Variants in MYOM3 observed in about 807,000 individuals in gnomAD.
MYOM3 encodes myomesin-3.
Under a neutral mutation model 191.7 loss-of-function variants are expected in MYOM3, and 155 were observed. The ratio of observed to expected loss-of-function variants is 0.81; its 90% CI spans 0.71 to 0.92. The LOEUF is 0.92. Among genes scored for constraint, MYOM3 ranks in the 40% least tolerant of loss-of-function variants. The probability of loss-of-function intolerance (pLI) is 0.00; values close to 1 mark genes in which losing one functional copy is unlikely to be tolerated. For missense variants in MYOM3, 1,889 were observed against 1,890.6 expected, an observed-to-expected ratio of 1.00 and a Z score of 0.02; for synonymous variants, 757 against 762.9, an observed-to-expected ratio of 0.99 and a Z score of 0.13.
At chr1:24,075,571 C>T (rs1643587498) in intron 21 of MYOM3, 96 bp from the exon 22 acceptor site, 2 of 1,307,170 alleles carry the variant, frequency 1.5e-6, no homozygotes, top group Non-Finnish European at 2.0e-6. Context: ...CTGCCTGTTG[C>T]ACTTAATAAT....
chr1:24,091,145 C>T (rs1643818609), intron 11 of MYOM3, 149 bp from the exon 12 acceptor site: 1 of 953,188 alleles, frequency 1.0e-6, no homozygotes, highest in African/African-American at 1.7e-5. Flanking sequence ...AAGAGCCTGG[C>T]TCCAACCTCG....
chr1:24,081,196 G>T (rs1643663238), intron 19 of MYOM3, 134 bp downstream of exon 19: 1 of 1,164,708 alleles, frequency 8.6e-7, no homozygotes, highest in Non-Finnish European at 1.2e-6. Flanking sequence ...TTGTGCAAGG[G>T]CCAGGGGCCT....
At chr1:24,105,179 A>G (rs1459842301) in intron 5 of MYOM3, among the ~76,000 whole-genome samples, 1 of 152,088 alleles carries the variant, frequency 6.6e-6, no homozygotes, top group African/African-American at 2.4e-5. Context: ...GCCCCCTTCA[A>G]GCCCTGAGGT....
intron 7 of MYOM3, among the ~76,000 whole-genome samples, chr1:24,096,526 A>G (rs1643879004): frequency 6.6e-6 from 1 of 152,176 alleles, no homozygotes; most frequent in South Asian, 2.1e-4. Flanking sequence ...GGACAGCTCA[A>G]ATTTCTGCAC....
chr1:24,094,458 C>T (rs59967604), intron 9 of MYOM3, among the ~76,000 whole-genome samples: 2,036 of 152,184 alleles, frequency 0.013, 49 homozygotes, highest in African/African-American at 0.047. Flanking sequence ...TGAGCCACCA[C>T]GCCTGGCCTC....
At chr1:24,107,048 G>A in intron 4 of MYOM3, 25 bp downstream of exon 4, 1 of 1,587,578 alleles carries the variant, frequency 6.3e-7, no homozygotes, top group Non-Finnish European at 8.6e-7. Flanking sequence ...CCCAGGCCCT[G>A]GGGCTCCACG....
Position 24,063,141 on chromosome 1 carries a change from GT to G in MYOM3, c.3754del (p.Thr1252ProfsTer16), listed in dbSNP as rs749349707. 6.2e-7 allele frequency: 1 copy of G among 1,610,278 alleles called. No individual in the cohort carries two copies. Among genetic ancestry groups the G allele is most frequent in the African/African-American group, 1.3e-5 (1 of 74,958 alleles). On this transcript the variant is annotated frameshift_variant, in exon 32 of 37. Coordinates refer to ENST00000374434, the MANE Select transcript of MYOM3 (RefSeq NM_152372.4). LOFTEE classifies it high-confidence loss of function. This position sits in a 1 kb window ranked among gnomAD's most constrained non-coding sequence, Gnocchi z 4.5. ...GCGGACTTACTTGTGGAACCAGGTG[GT>G]TTTCATGTACTCCACGTTGTAGTAC... ...VKYYNVEYMK[T>X]TWFHKDKRLE... is the part of the protein sequence containing the mutation.
chr1:24,060,353 C>T lies in MYOM3; in HGVS notation c.3994+707G>A, dbSNP rs139807473. ...GCACTTCCTGTCAAGTGGGGACACT[C>T]GGGGTCAATGATGCCACGCAGAGCG... is the stretch of plus-strand genomic sequence containing the variant. On this transcript the variant is annotated intron_variant, in intron 35 of 36. Transcript: ENST00000374434. 2.5e-3 allele frequency among the ~76,000 whole-genome samples: 383 copies of T among 152,308 alleles called. 2 individuals are homozygous for T. The highest frequency in any genetic ancestry group is 8.8e-3 in the African/African-American group (366 of 41,570).
chr1:24,071,307 C>T, intron 24 of MYOM3, 54 bp from the exon 25 acceptor site: 2 of 1,556,816 alleles, frequency 1.3e-6, no homozygotes, highest in Non-Finnish European at 8.7e-7. Context: ...CCCTTTCCCG[C>T]TCCCTTCCAG....
chr1:24,100,886 CAAA>C (rs570186037), intron 5 of MYOM3, among the ~76,000 whole-genome samples: 8 of 94,478 alleles, frequency 8.5e-5, no homozygotes, highest in African/African-American at 8.7e-5. Flanking sequence ...GACTCCGTCT[CAAA>C]AAAAAAAAAA....
chr1:24,111,024 C>T lies in MYOM3; in HGVS notation c.-19+1007G>A, dbSNP rs369442119. Among the ~76,000 whole-genome samples, 43 of 152,360 alleles carry T rather than the reference C, an allele frequency of 2.8e-4. No homozygotes were observed. The East Asian group carries it at 3.9e-3, about 14-fold the overall frequency. ...GGGGCCTGGCGCTCGTCCCTGACCT[C>T]GGGGCCTCCAGCAACCAGACCCCTG... On this transcript the variant is annotated intron_variant, in intron 1 of 36. Transcript: ENST00000374434. The surrounding 1 kb of genome is among the most constrained non-coding windows in gnomAD (Gnocchi z 4.7).
intron 24 of MYOM3, 80 bp downstream of exon 24, chr1:24,071,889 C>T: frequency 1.4e-6 from 2 of 1,476,028 alleles, no homozygotes; most frequent in Non-Finnish European, 1.9e-6. Flanking sequence ...TGGTCCTTGG[C>T]CTGACTCTGC....
Position 24,108,471 on chromosome 1 carries a change from CCCA to C in MYOM3, c.161+2_161+4del. The C allele has an allele frequency of 6.5e-7, 1 of 1,550,292 alleles. No homozygotes were observed. Among genetic ancestry groups the C allele is most frequent in the Non-Finnish European group, 8.7e-7 (1 of 1,146,290 alleles). Reference sequence around the variant, plus strand: ...GTGGCTGGGCGGGGACCCTGTGGCTCCCACCTGCTGCGGAAGGTCCGCCTCCGC... The same window carrying C: ...GTGGCTGGGCGGGGACCCTGTGGCTCCCTGCTGCGGAAGGTCCGCCTCCGC... On this transcript the variant is annotated splice_donor_variant and splice_donor_region_variant and intron_variant, in intron 2 of 36. Coordinates refer to ENST00000374434, the MANE Select transcript of MYOM3 (RefSeq NM_152372.4). LOFTEE classifies it high-confidence loss of function.
rs773800150 is a variant in MYOM3 at position 24,074,217 on chromosome 1, C to A, written c.2911G>T (p.Val971Phe). ...PGLEDLGTYS[V>F]IVTDADEDIS... ...TCTTCATCGGCATCAGTGACTATGA[C>A]TGAGTAGGTGCCCAAATCCTCGAGG... The change falls in exon 23 of 37, where the codon GTC becomes TTC. Residue 971 changes from valine to phenylalanine, a missense_variant. Val to Phe is a conservative substitution (Grantham distance 50). Coordinates refer to ENST00000374434, the MANE Select transcript of MYOM3 (RefSeq NM_152372.4). 6.2e-7 allele frequency: 1 copy of A among 1,614,122 alleles called. No individual in the cohort carries two copies. The highest frequency in any genetic ancestry group is 1.1e-5 in the South Asian group (1 of 91,074).
chr1:24,108,243 T>G, intron 2 of MYOM3, 170 bp from the exon 3 acceptor site: 2 of 747,418 alleles, frequency 2.7e-6, no homozygotes, highest in Non-Finnish European at 4.3e-6. Flanking sequence ...CGACCCTGAA[T>G]GTGCTTCCCT....
chr1:24,099,646 G>A (rs749718745), intron 6 of MYOM3, 34 bp downstream of exon 6: 3 of 1,546,308 alleles, frequency 1.9e-6, no homozygotes, highest in African/African-American at 1.4e-5. Flanking sequence ...GGCAGGGTCT[G>A]GGGTCATAGG....
chr1:24,075,025 C>T (rs57960623), intron 22 of MYOM3, among the ~76,000 whole-genome samples: 4,318 of 151,922 alleles, frequency 0.028, 215 homozygotes, highest in African/African-American at 0.099. Flanking sequence ...TGCAGTGAGC[C>T]GAGATCATGC....
In MYOM3 at chr1:24,076,519, T is replaced by TC. The variant is rs1284520185; in HGVS notation, c.2587-247_2587-246insG. Among the ~76,000 whole-genome samples the TC allele has an allele frequency of 3.7e-5, 3 of 80,254 alleles. 1 individual carries two copies. Among genetic ancestry groups the TC allele is most frequent in the African/African-American group, 1.2e-4 (3 of 24,246 alleles). 52.6% of individuals were successfully genotyped at this position (80,254 alleles called of 152,430 possible). A position where few individuals can be genotyped will look rare whatever the true frequency, so the allele number is the denominator to read the frequency against. On this transcript the variant is annotated intron_variant, in intron 20 of 36. Transcript: ENST00000374434. ...TTCCCTAATGTTTCTTTTTTTTTTT[T>TC]TTTTTTTTTTTTGAGACGGAGTCTC...
At chr1:24,079,955 T>C in intron 20 of MYOM3, 61 bp downstream of exon 20, 1 of 1,451,700 alleles carries the variant, frequency 6.9e-7, no homozygotes, top group Non-Finnish European at 9.4e-7. Context: ...ATTCCAGCTC[T>C]GATGCTCTAG....
Sources: allele counts gnomAD v4.1 joint callset (sites outside exome capture counted in the v4.1 genomes callset), GRCh38; gene constraint gnomAD v4.1.1; non-coding constraint Gnocchi (gnomAD v3.1); transcripts MANE v1.5; gene names NCBI Gene and HGNC (gene_info 2026-07-23, HGNC 2026-07-21).